Variants in HPF1 observed in about 807,000 individuals in gnomAD.
HPF1 encodes UPF0609 protein C4orf27.
In HPF1, 35 loss-of-function variants were observed where a neutral mutation model predicts 38.8. The observed-to-expected ratio is 0.90, with a 90% CI of 0.69 to 1.19. The LOEUF is 1.19. Among genes scored for constraint, HPF1 ranks in the 50% most tolerant of loss-of-function variants. The probability of loss-of-function intolerance (pLI) is 0.00; values close to 1 mark genes in which losing one functional copy is unlikely to be tolerated. For missense variants in HPF1, 367 were observed against 405.8 expected, an observed-to-expected ratio of 0.90 and a Z score of 0.82; for synonymous variants, 115 against 139.2, an observed-to-expected ratio of 0.83 and a Z score of 1.22.
chr4:169,753,048 TTC>T lies in HPF1; in HGVS notation c.208+626_208+627del, dbSNP rs1491317842. Among the ~76,000 whole-genome samples the T allele has an allele frequency of 3.8e-3, 562 of 149,784 alleles. 6 individuals carry two copies. Among genetic ancestry groups the T allele is most frequent in the South Asian group, 0.026 (118 of 4,608 alleles). ...GTTAGGTTTTTTTTTTTTTTTTTTT[TTC>T]TGAGACAGGGTCTTGCTCTGTCACC... On this transcript the variant is annotated intron_variant, in intron 2 of 7. Coordinates refer to ENST00000393381, the MANE Select transcript of HPF1 (RefSeq NM_017867.3).
At chr4:169,756,110 T>C (rs1305714802) in intron 1 of HPF1, among the ~76,000 whole-genome samples, 1 of 152,208 alleles carries the variant, frequency 6.6e-6, no homozygotes, top group African/African-American at 2.4e-5. Flanking sequence ...TAAAAACAAG[T>C]AGTTAAGTGA....
intron 1 of HPF1, among the ~76,000 whole-genome samples, chr4:169,754,133 TAAAG>T (rs1281308731): frequency 6.6e-6 from 1 of 152,206 alleles, no homozygotes; most frequent in Non-Finnish European, 1.5e-5. Context: ...AAGAGAGGAA[TAAAG>T]AAAGGGCAGA....
chr4:169,729,634 T>A lies in HPF1; in HGVS notation c.985A>T (p.Ile329Phe). 1.3e-6 allele frequency: 2 copies of A among 1,591,010 alleles called. No individual in the cohort carries two copies. The highest frequency in any genetic ancestry group is 1.7e-6 in the Non-Finnish European group (2 of 1,170,196). Residue 329 changes from isoleucine to phenylalanine, a missense_variant, in exon 8 of 8, where the codon ATT becomes TTT. Coordinates refer to ENST00000393381, the MANE Select transcript of HPF1 (RefSeq NM_017867.3). ...LLKRNLFAEIIEEHLANRSQE... is the reference protein window; with the variant it reads ...LLKRNLFAEIFEEHLANRSQE... ...CTTCTGTTTGCCAGATGCTCCTCAA[T>A]AATTTCTGCAAACAGATTCCTCTTC...
intron 6 of HPF1, among the ~76,000 whole-genome samples, chr4:169,736,940 C>G (rs767788511): frequency 6.6e-6 from 1 of 152,110 alleles, no homozygotes; most frequent in South Asian, 2.1e-4. Flanking sequence ...TTACAGATGA[C>G]GTAGTTCAGG....
intron 3 of HPF1, among the ~76,000 whole-genome samples, chr4:169,749,116 T>C (rs1391316666): frequency 4.6e-5 from 7 of 152,312 alleles, no homozygotes; most frequent in Admixed American, 2.0e-4. Context: ...AAATGTAATA[T>C]TGCAGTCCCA....
chr4:169,757,148 A>C (rs181053857), intron 1 of HPF1, among the ~76,000 whole-genome samples: 1 of 150,924 alleles, frequency 6.6e-6, no homozygotes, highest in Non-Finnish European at 1.5e-5. Flanking sequence ...GAATGCACAC[A>C]CTCTCTCCTC....
At chr4:169,740,523 T>C (rs1233439722) in intron 5 of HPF1, among the ~76,000 whole-genome samples, 1 of 152,210 alleles carries the variant, frequency 6.6e-6, no homozygotes, top group Non-Finnish European at 1.5e-5. Flanking sequence ...CATATACTAG[T>C]GGAATTGAAT....
At position 169,731,815 on chromosome 4, in the gene HPF1, T is replaced by A. The variant is rs756462228; in HGVS notation, c.798A>T (p.Lys266Asn). The A allele has an allele frequency of 6.2e-7, 1 of 1,611,920 alleles. No individual in the cohort carries two copies. The highest frequency in any genetic ancestry group is 2.2e-5 in the East Asian group (1 of 44,798). The change falls in exon 7 of 8, where the codon AAA (lysine) becomes AAT (asparagine). Residue 266 changes from lysine (K) to asparagine (N), a missense_variant. By Grantham distance (94) the Lys-to-Asn change is moderately conservative. Transcript: ENST00000393381. ...TCATTTCCTGAATGGGAGCAAAAGC[T>A]TTTAGTCTCTCCTCATCACTTGCAG... ...VEAASDEERL[K>N]AFAPIQEMMT...
intron 2 of HPF1, among the ~76,000 whole-genome samples, chr4:169,751,402 C>CAAA (rs55661737): frequency 8.7e-4 from 62 of 71,098 alleles, no homozygotes; most frequent in African/African-American, 2.3e-3. Flanking sequence ...GGCTCTGTCT[C>CAAA]AAAAAAAAAA....
In HPF1 at chr4:169,742,075, G is replaced by T; in HGVS notation, c.530C>A (p.Thr177Lys). Residue 177 changes from threonine (T) to lysine (K), a missense_variant, in exon 5 of 8, where the codon ACG becomes AAG. Physicochemically the swap from Thr to Lys is moderately conservative, Grantham distance 78 (BLOSUM62 -1). Coordinates refer to ENST00000393381, the MANE Select transcript of HPF1 (RefSeq NM_017867.3). ...LFLTKKLREI[T>K]DKKKINLLKN... ...CAAGAGATTGATTTTCTTTTTATCC[G>T]TTATTTCTCTAAGTTTTTTCGTCAA... 6.2e-7 allele frequency: 1 copy of T among 1,610,380 alleles called. No homozygotes were observed. The highest frequency in any genetic ancestry group is 8.5e-7 in the Non-Finnish European group (1 of 1,177,398).
intron 5 of HPF1, among the ~76,000 whole-genome samples, chr4:169,741,219 T>C (rs1733965262): frequency 6.6e-6 from 1 of 152,178 alleles, no homozygotes; most frequent in Non-Finnish European, 1.5e-5. Context: ...CCAGTGCTAG[T>C]TTATTAAGGA....
chr4:169,729,789 C>T, intron 7 of HPF1, 80 bp from the exon 8 acceptor site: 1 of 1,073,452 alleles, frequency 9.3e-7, no homozygotes, highest in Non-Finnish European at 1.2e-6. Flanking sequence ...CAACAAAGCA[C>T]TTGTTTAACA....
chr4:169,732,222 C>T (rs1247265881), intron 6 of HPF1, among the ~76,000 whole-genome samples: 1 of 151,120 alleles, frequency 6.6e-6, no homozygotes, highest in Non-Finnish European at 1.5e-5. Context: ...CTCACTGCAA[C>T]CTCTGCCTCC....
intron 6 of HPF1, among the ~76,000 whole-genome samples, chr4:169,737,119 G>A (rs1485092711): frequency 2.6e-5 from 4 of 151,804 alleles, no homozygotes; most frequent in Admixed American, 6.6e-5. Flanking sequence ...CTGAAACCCC[G>A]TCTCTACTGA....
At chr4:169,740,759 T>C (rs1733958548) in intron 5 of HPF1, among the ~76,000 whole-genome samples, 1 of 152,154 alleles carries the variant, frequency 6.6e-6, no homozygotes, top group African/African-American at 2.4e-5. Context: ...GACAAAAATA[T>C]CTATGAAATT....
At chr4:169,743,252 G>A (rs1734001814) in intron 4 of HPF1, among the ~76,000 whole-genome samples, 1 of 151,608 alleles carries the variant, frequency 6.6e-6, no homozygotes, top group African/African-American at 2.4e-5. Flanking sequence ...TGGGATTACA[G>A]GTACATGCCA....
At chr4:169,741,904 A>G (rs1266923225) in intron 5 of HPF1, 53 bp downstream of exon 5, 42 of 1,493,454 alleles carry the variant, frequency 2.8e-5, no homozygotes, top group Non-Finnish European at 3.9e-5. Context: ...AGGAATCAAG[A>G]GGGGAAAAAA....
chr4:169,741,183 C>T (rs1220004507), intron 5 of HPF1, among the ~76,000 whole-genome samples: 1 of 152,160 alleles, frequency 6.6e-6, no homozygotes, highest in Non-Finnish European at 1.5e-5. Context: ...GGATTTAATG[C>T]CTAAGTACAC....
intron 6 of HPF1, 53 bp downstream of exon 6, chr4:169,737,607 C>T (rs1733914523): frequency 8.7e-7 from 1 of 1,152,868 alleles, no homozygotes; most frequent in Non-Finnish European, 1.3e-6. Context: ...TAAGCAAAAC[C>T]TTTATTCATG....
Sources: gnomAD v4.1 joint callset for allele counts (sites outside exome capture counted in the v4.1 genomes callset) on GRCh38, gnomAD v4.1.1 for gene constraint, MANE v1.5 for transcripts, NCBI Gene and HGNC (gene_info 2026-07-23, HGNC 2026-07-21) for gene names.